The following CADPS variants were observed in gnomAD, a reference collection of about 807,000 sequenced individuals.
CADPS encodes the protein calcium dependent secretion activator.
In CADPS, 57 loss-of-function variants were observed where a neutral mutation model predicts 167.3. That is an observed-to-expected ratio of 0.34 (90% CI 0.28 to 0.42). The LOEUF (loss-of-function observed/expected upper bound fraction) is 0.42, where lower values mean the gene tolerates loss of function less well. Among genes scored for constraint, CADPS ranks in the 20% least tolerant of loss-of-function variants. The pLI, the probability that CADPS is intolerant of heterozygous loss-of-function variation, is 1.00. For missense variants in CADPS, 1,414 were observed against 1,738.1 expected, an observed-to-expected ratio of 0.81 and a Z score of 3.32; for synonymous variants, 676 against 635.3, an observed-to-expected ratio of 1.06 and a Z score of -0.96.
At chr3:62,418,320 C>CTTTTTTT (rs2050569813) in intron 28 of CADPS, among the ~76,000 whole-genome samples, 1 of 139,058 alleles carries the variant, frequency 7.2e-6, no homozygotes, top group African/African-American at 2.8e-5. Flanking sequence ...TTTCTTTTTT[C>CTTTTTTT]TCTCTTTTTT....
At chr3:62,752,515 C>T (rs555825487) in intron 3 of CADPS, among the ~76,000 whole-genome samples, 2 of 152,272 alleles carry the variant, frequency 1.3e-5, no homozygotes, top group Admixed American at 1.3e-4. Flanking sequence ...TTCCATTATC[C>T]ATTTATTAAT....
chr3:62,516,739 T>C, intron 14 of CADPS, 96 bp from the exon 15 acceptor site: 2 of 830,802 alleles, frequency 2.4e-6, no homozygotes, highest in Non-Finnish European at 4.0e-6. Flanking sequence ...CTCTGAGGAA[T>C]GGAAAATGCT....
At chr3:62,440,856 C>G (rs1193188791) in intron 27 of CADPS, 1 of 152,184 alleles carries the variant, frequency 6.6e-6, no homozygotes, top group Non-Finnish European at 1.5e-5. Context: ...GGGTTTGGGA[C>G]TATCGAGGGC....
intron 21 of CADPS, among the ~76,000 whole-genome samples, chr3:62,484,821 T>C (rs1347473619): frequency 4.6e-5 from 7 of 152,196 alleles, no homozygotes; most frequent in Non-Finnish European, 7.3e-5. Flanking sequence ...TTTAGATTTA[T>C]GGATGGGGTT....
At chr3:62,749,716 A>C (rs932859655) in intron 3 of CADPS, among the ~76,000 whole-genome samples, 1 of 152,226 alleles carries the variant, frequency 6.6e-6, no homozygotes. Context: ...GCCTGTCTAC[A>C]TACAGCCTGC....
intron 1 of CADPS, among the ~76,000 whole-genome samples, chr3:62,854,245 T>A (rs2079200541): frequency 6.6e-6 from 1 of 152,222 alleles, no homozygotes; most frequent in African/African-American, 2.4e-5. Flanking sequence ...ATTGATAGAC[T>A]AAAATTATGA....
intron 17 of CADPS, among the ~76,000 whole-genome samples, chr3:62,505,268 C>T (rs2066458394): frequency 6.6e-6 from 1 of 152,180 alleles, no homozygotes; most frequent in African/African-American, 2.4e-5. Context: ...AATATCCACT[C>T]CCTTTCAAAA....
At position 62,421,150 on chromosome 3, in the gene CADPS, A is replaced by G. The variant is rs1387465108; in HGVS notation, c.3777+16954T>C. Among the ~76,000 whole-genome samples, 1 of 152,160 alleles carries G rather than the reference A, an allele frequency of 6.6e-6. No homozygotes were observed. Among genetic ancestry groups the G allele is most frequent in the Non-Finnish European group, 1.5e-5 (1 of 68,034 alleles). ...GGGCCTGAGCACAGAGAGTTAAATCATAAATTAGCCATGAGTTAATACGTG... is the reference window on the plus strand; with the variant it reads ...GGGCCTGAGCACAGAGAGTTAAATCGTAAATTAGCCATGAGTTAATACGTG... On this transcript the variant is annotated intron_variant, in intron 28 of 29. Transcript: ENST00000383710. The surrounding 1 kb of genome is among the most constrained non-coding windows in gnomAD (Gnocchi z 4.7).
intron 18 of CADPS, among the ~76,000 whole-genome samples, chr3:62,497,116 C>G (rs1387403655): frequency 6.6e-6 from 1 of 152,254 alleles, no homozygotes; most frequent in Non-Finnish European, 1.5e-5. Context: ...AGGATTAACA[C>G]AGCGAGAAAG....
intron 19 of CADPS, among the ~76,000 whole-genome samples, chr3:62,493,139 A>T (rs1350338729): frequency 6.6e-6 from 1 of 152,246 alleles, no homozygotes; most frequent in African/African-American, 2.4e-5. Context: ...ACATATGTAC[A>T]TTGAAAACCA....
chr3:62,533,068 G>C lies in CADPS; in HGVS notation c.2104-10C>G. The C allele has an allele frequency of 1.2e-6, 2 of 1,604,756 alleles. No individual in the cohort carries two copies. The highest frequency in any genetic ancestry group is 1.7e-6 in the Non-Finnish European group (2 of 1,173,014). ...CAGGACTGAACCAGCCCTATATAAAGAATAAAGGAGAGACTTTCTTTTAAA... is the reference window on the plus strand; with the variant it reads ...CAGGACTGAACCAGCCCTATATAAACAATAAAGGAGAGACTTTCTTTTAAA... On this transcript the variant is annotated splice_polypyrimidine_tract_variant and intron_variant, in intron 12 of 29. Transcript: ENST00000383710.
chr3:62,539,882 T>C (rs974971437), intron 11 of CADPS, among the ~76,000 whole-genome samples: 2 of 152,170 alleles, frequency 1.3e-5, no homozygotes, highest in African/African-American at 4.8e-5. Context: ...GATTTGAGAC[T>C]AGCTCTGCCA....
At chr3:62,748,252 A>G (rs1192474479) in intron 3 of CADPS, among the ~76,000 whole-genome samples, 1 of 144,768 alleles carries the variant, frequency 6.9e-6, no homozygotes, top group African/African-American at 2.5e-5. Flanking sequence ...AGGCTGAGGC[A>G]GGAGAATGGC....
intron 14 of CADPS, 152 bp downstream of exon 14, chr3:62,517,997 A>T (rs1490587081): frequency 4.6e-6 from 3 of 646,946 alleles, no homozygotes; most frequent in Non-Finnish European, 8.2e-6. Flanking sequence ...TTATTGCGGA[A>T]CCATATCTGA....
rs142952386 is a variant in CADPS at position 62,619,842 on chromosome 3, C to T, written c.1325+25880G>A. On this transcript the variant is annotated intron_variant, in intron 6 of 29. Transcript: ENST00000383710. ...TTATTCAATGTACTGTGTTTTCTTT[C>T]CTTTCCCCTAGTGACTGCTCTTTGA... Among the ~76,000 whole-genome samples the T allele has an allele frequency of 3.1e-3, 466 of 152,218 alleles. 3 individuals carry two copies. The highest frequency in any genetic ancestry group is 0.011 in the African/African-American group (448 of 41,548).
intron 1 of CADPS, among the ~76,000 whole-genome samples, chr3:62,848,152 T>G (rs1213089952): frequency 2.8e-5 from 4 of 144,814 alleles, no homozygotes; most frequent in African/African-American, 8.4e-5. Context: ...TAAATTTGTT[T>G]GAGTTCATTG....
chr3:62,703,166 T>TA (rs1265308840), intron 3 of CADPS, among the ~76,000 whole-genome samples: 2 of 152,302 alleles, frequency 1.3e-5, no homozygotes, highest in East Asian at 3.8e-4. Context: ...TACAAGCTAT[T>TA]AATGCAGTTT....
chr3:62,855,091 A>ATTTTTTTTTTTTTTTT lies in CADPS; in HGVS notation c.441+19482_441+19497dup, dbSNP rs554197608. Reference sequence around the variant, plus strand: ...AGGCACGTGCCATCATGCCCGGCTAATTTTTTTTTTTTTTTTTTGTCTTTT... The same window carrying ATTTTTTTTTTTTTTTT: ...AGGCACGTGCCATCATGCCCGGCTAATTTTTTTTTTTTTTTTTTTTTTTTTTTTTTTTTTGTCTTTT... On this transcript the variant is annotated intron_variant, in intron 1 of 29. Coordinates refer to ENST00000383710, the MANE Select transcript of CADPS (RefSeq NM_003716.4). 1.2e-3 allele frequency among the ~76,000 whole-genome samples: 115 copies of ATTTTTTTTTTTTTTTT among 92,688 alleles called. 6 individuals carry two copies. Among genetic ancestry groups the ATTTTTTTTTTTTTTTT allele is most frequent in the African/African-American group, 2.1e-3 (60 of 28,514 alleles). 60.8% of individuals were successfully genotyped at this position (92,688 alleles called of 152,430 possible). A position where few individuals can be genotyped will look rare whatever the true frequency, so the allele number is the denominator to read the frequency against.
At chr3:62,406,944 T>C (rs1290660103) in intron 28 of CADPS, among the ~76,000 whole-genome samples, 1 of 152,202 alleles carries the variant, frequency 6.6e-6, no homozygotes, top group Non-Finnish European at 1.5e-5. Flanking sequence ...CCACCTGGGT[T>C]TGTGATCTTG....
Sources: allele counts gnomAD v4.1 joint callset (sites outside exome capture counted in the v4.1 genomes callset), GRCh38; gene constraint gnomAD v4.1.1; non-coding constraint Gnocchi (gnomAD v3.1); transcripts MANE v1.5; gene names NCBI Gene and HGNC (gene_info 2026-07-23, HGNC 2026-07-21).